The following ANKRD44 variants were observed in gnomAD, a reference collection of about 807,000 sequenced individuals.
ANKRD44 encodes the protein serine/threonine-protein phosphatase 6 regulatory ankyrin repeat subunit B.
In ANKRD44, 35 loss-of-function variants were observed where a neutral mutation model predicts 116.0. The ratio of observed to expected loss-of-function variants is 0.30; its 90% CI spans 0.23 to 0.40. The LOEUF (loss-of-function observed/expected upper bound fraction) is 0.40. Ranked by LOEUF, ANKRD44 falls within the 10% of genes least tolerant of loss-of-function variation. ANKRD44 has a pLI of 1.00. For synonymous variants in ANKRD44, 435 were observed against 461.8 expected, an observed-to-expected ratio of 0.94 and a Z score of 0.74; for missense variants, 1,014 against 1,242.6, an observed-to-expected ratio of 0.82 and a Z score of 2.77.
At chr2:197,083,775 C>T (rs2077854488) in intron 13 of ANKRD44, among the ~76,000 whole-genome samples, 1 of 152,174 alleles carries the variant, frequency 6.6e-6, no homozygotes, top group South Asian at 2.1e-4. Flanking sequence ...TTCCTTCGAA[C>T]ATTTTGTCAG....
chr2:196,999,334 C>T (rs968877152), intron 23 of ANKRD44, among the ~76,000 whole-genome samples: 2 of 152,042 alleles, frequency 1.3e-5, no homozygotes, highest in African/African-American at 4.8e-5. Context: ...AGTGAGTCTA[C>T]TTTTATCTTT....
chr2:197,248,684 A>C (rs2082251329), intron 1 of ANKRD44, among the ~76,000 whole-genome samples: 1 of 151,786 alleles, frequency 6.6e-6, no homozygotes, highest in Non-Finnish European at 1.5e-5. Flanking sequence ...TGTCTAATGC[A>C]GGGACCAACT....
chr2:197,294,558 T>C lies in ANKRD44; in HGVS notation c.27+16020A>G, dbSNP rs115470305. On this transcript the variant is annotated intron_variant, in intron 1 of 27. Transcript: ENST00000282272. ...ACACTGGAAACCACACACACACATA[T>C]TTTCATTCTCTCTCTGTCTCTCTGC... Among the ~76,000 whole-genome samples the C allele has an allele frequency of 1.6e-3, 237 of 152,134 alleles. 1 individual carries two copies. Among genetic ancestry groups the C allele is most frequent in the African/African-American group, 5.4e-3 (226 of 41,484 alleles).
At position 197,070,001 on chromosome 2, in the gene ANKRD44, C is replaced by T. The variant is rs2077525544; in HGVS notation, c.1650+8702G>A. Among the ~76,000 whole-genome samples the T allele has an allele frequency of 3.3e-5, 5 of 151,740 alleles. No individual in the cohort carries two copies. In the South Asian group the frequency reaches 1.0e-3, roughly 31 times the overall value. On this transcript the variant is annotated intron_variant, in intron 16 of 27. Coordinates refer to ENST00000282272, the MANE Select transcript of ANKRD44 (RefSeq NM_001195144.2). ...AGTTATTGACAGCAATTTTTTGGGG[C>T]AGTTGAAAATAATATTGTACTTTTA...
chr2:197,265,871 A>C (rs1223941804), intron 1 of ANKRD44, among the ~76,000 whole-genome samples: 2 of 152,202 alleles, frequency 1.3e-5, no homozygotes, highest in Admixed American at 1.3e-4. Flanking sequence ...GCAGTATGAC[A>C]TAAGAGTTCT....
At chr2:196,975,685 G>A (rs2075752145) in intron 21 of ANKRD44, among the ~76,000 whole-genome samples, 1 of 151,076 alleles carries the variant, frequency 6.6e-6, no homozygotes, top group African/African-American at 2.4e-5. Flanking sequence ...CAGCTACTCA[G>A]GAGGCTAAGA....
chr2:196,999,673 A>C (rs1448815498), intron 23 of ANKRD44, among the ~76,000 whole-genome samples: 1 of 151,876 alleles, frequency 6.6e-6, no homozygotes, highest in East Asian at 1.9e-4. Context: ...GGCTCACTGC[A>C]ACCTCTGCCT....
At chr2:197,126,093 C>T (rs535298049) in intron 4 of ANKRD44, 56 bp from the exon 5 acceptor site, 3 of 1,580,434 alleles carry the variant, frequency 1.9e-6, no homozygotes, top group African/African-American at 2.7e-5. Flanking sequence ...TCAATACTTA[C>T]TGGTGTAAGA....
intron 1 of ANKRD44, among the ~76,000 whole-genome samples, chr2:197,230,359 G>A (rs2081829694): frequency 6.6e-6 from 1 of 152,056 alleles, no homozygotes; most frequent in African/African-American, 2.4e-5. Context: ...GTTGTAACCA[G>A]AACTCCTTAT....
chr2:197,084,943 A>AG (rs1218924671), intron 13 of ANKRD44, among the ~76,000 whole-genome samples: 1 of 152,162 alleles, frequency 6.6e-6, no homozygotes, highest in Non-Finnish European at 1.5e-5. Flanking sequence ...ATCTATTAAA[A>AG]GGGGTAACAG....
intron 1 of ANKRD44, among the ~76,000 whole-genome samples, chr2:197,288,576 A>C (rs542174050): frequency 6.6e-6 from 1 of 152,306 alleles, no homozygotes; most frequent in South Asian, 2.1e-4. Context: ...AAAGTTATGG[A>C]ATCTAAGTGT....
intron 9 of ANKRD44, among the ~76,000 whole-genome samples, chr2:197,105,468 T>C (rs1462889435): frequency 1.3e-5 from 2 of 152,174 alleles, no homozygotes; most frequent in East Asian, 1.9e-4. Flanking sequence ...TGTAAAGTAA[T>C]AATTAAATAT....
At chr2:197,140,249 C>A (rs1298715771) in intron 3 of ANKRD44, among the ~76,000 whole-genome samples, 1 of 152,084 alleles carries the variant, frequency 6.6e-6, no homozygotes, top group Non-Finnish European at 1.5e-5. Flanking sequence ...CCGGTTCACA[C>A]CCTCAGAATG....
At chr2:197,090,706 T>A (rs1028726327) in intron 10 of ANKRD44, among the ~76,000 whole-genome samples, 11 of 152,134 alleles carry the variant, frequency 7.2e-5, no homozygotes, top group Non-Finnish European at 1.3e-4. Context: ...TGCCTTTTCC[T>A]AAACTACCCA....
chr2:197,166,670 G>GGGCAGGAACTA (rs59143953), intron 2 of ANKRD44, among the ~76,000 whole-genome samples: 1 of 151,996 alleles, frequency 6.6e-6, no homozygotes, highest in African/African-American at 2.4e-5. Flanking sequence ...TGCTCAGAAT[G>GGGCAGGAACTA]GGATATCCCC....
chr2:197,294,155 GCT>G (rs2083649387), intron 1 of ANKRD44, among the ~76,000 whole-genome samples: 1 of 152,160 alleles, frequency 6.6e-6, no homozygotes, highest in Non-Finnish European at 1.5e-5. Context: ...TTCAGAAAAT[GCT>G]GGAGGTCCCA....
intron 1 of ANKRD44, among the ~76,000 whole-genome samples, chr2:197,190,163 C>G (rs1181295204): frequency 3.9e-5 from 6 of 152,188 alleles, no homozygotes; most frequent in African/African-American, 1.4e-4. Flanking sequence ...CACATATATG[C>G]ATACATATGC....
chr2:197,141,493 T>C (rs1006799012), intron 3 of ANKRD44, among the ~76,000 whole-genome samples: 1 of 152,208 alleles, frequency 6.6e-6, no homozygotes, highest in African/African-American at 2.4e-5. Flanking sequence ...TGGCTTTCAA[T>C]ATTAAAACTC....
intron 16 of ANKRD44, among the ~76,000 whole-genome samples, chr2:197,042,995 CTGT>C (rs764898593): frequency 2.0e-4 from 31 of 152,266 alleles, no homozygotes; most frequent in Non-Finnish European, 4.1e-4. Context: ...CCTTTTCCAT[CTGT>C]TGTTTGTGTT....
Sources: allele counts gnomAD v4.1 joint callset (sites outside exome capture counted in the v4.1 genomes callset), GRCh38; gene constraint gnomAD v4.1.1; transcripts MANE v1.5; gene names NCBI Gene and HGNC (gene_info 2026-07-23, HGNC 2026-07-21).